The following C4BPB variants were observed in gnomAD, a reference collection of about 807,000 sequenced individuals.
The protein encoded by C4BPB is complement component 4 binding protein beta, also known as C4b-binding protein beta chain.
Under a neutral mutation model 26.6 loss-of-function variants are expected in C4BPB, and 19 were observed. The ratio of observed to expected loss-of-function variants is 0.71; its 90% CI spans 0.50 to 1.05. The LOEUF (loss-of-function observed/expected upper bound fraction) is 1.05. Among genes scored for constraint, C4BPB ranks in the 50% least tolerant of loss-of-function variants. C4BPB has a pLI of 0.00. For missense variants in C4BPB, 282 were observed against 302.9 expected (o/e 0.93, Z 0.51); for synonymous variants, 118 against 103.5 (o/e 1.14, Z -0.85).
chr1:207,088,970 GCTTTCGT>G (rs1683916046), intron 1 of C4BPB, 24 bp downstream of exon 1: 1 of 153,472 alleles, frequency 6.5e-6, no homozygotes, highest in Non-Finnish European at 1.5e-5. Flanking sequence ...ACTTCCTTGA[GCTTTCGT>G]CTTCAGTGCT....
At chr1:207,095,980 T>TC (rs1205280386) in intron 4 of C4BPB, 1 of 176,958 alleles carries the variant, frequency 5.7e-6, no homozygotes, top group Non-Finnish European at 1.2e-5. Flanking sequence ...ATGTTTCCTG[T>TC]ACAGCCTGCA....
chr1:207,099,757 G>C, intron 6 of C4BPB, 32 bp from the exon 7 acceptor site: 1 of 1,601,686 alleles, frequency 6.2e-7, no homozygotes, highest in Non-Finnish European at 8.5e-7. Context: ...CAGTCCTTAT[G>C]TTGTAACTTG....
intron 4 of C4BPB, among the ~76,000 whole-genome samples, chr1:207,093,372 G>A (rs1684117972): frequency 6.6e-6 from 1 of 152,074 alleles, no homozygotes; most frequent in Admixed American, 6.5e-5. Flanking sequence ...CTGGATCAAA[G>A]GGAAAGGAAT....
At chr1:207,092,945 G>C (rs1684096344) in intron 4 of C4BPB, among the ~76,000 whole-genome samples, 1 of 151,894 alleles carries the variant, frequency 6.6e-6, no homozygotes, top group South Asian at 2.1e-4. Context: ...TATTTCTATA[G>C]GATAGATTCC....
chr1:207,097,213 TTTG>T (rs1572761473), intron 5 of C4BPB, among the ~76,000 whole-genome samples: 3 of 152,002 alleles, frequency 2.0e-5, no homozygotes, highest in East Asian at 1.9e-4. Flanking sequence ...TTTTTGTTTT[TTTG>T]TTGTTGTTAT....
intron 5 of C4BPB, among the ~76,000 whole-genome samples, chr1:207,096,990 G>A (rs1381982802): frequency 6.6e-6 from 1 of 152,068 alleles, no homozygotes; most frequent in African/African-American, 2.4e-5. Context: ...TGGCCAACAT[G>A]GCAAAACCCT....
At chr1:207,089,460 G>A (rs1683932568) in intron 1 of C4BPB, 22 bp from the exon 2 acceptor site, 13 of 1,351,996 alleles carry the variant, frequency 9.6e-6, no homozygotes, top group Non-Finnish European at 1.3e-5. Flanking sequence ...AGTGTTAGAA[G>A]ATCTATTTTT....
intron 4 of C4BPB, 117 bp downstream of exon 4, chr1:207,091,937 G>A: frequency 1.2e-6 from 1 of 832,382 alleles, no homozygotes; most frequent in Non-Finnish European, 1.8e-6. Context: ...ACAGGCTTAA[G>A]ATCTAGCAGA....
intron 4 of C4BPB, among the ~76,000 whole-genome samples, chr1:207,093,970 C>G (rs1305174100): frequency 2.0e-5 from 3 of 152,120 alleles, no homozygotes; most frequent in Non-Finnish European, 2.9e-5. Context: ...AACAGCACTT[C>G]TATCTCCTGA....
chr1:207,089,362 G>A (rs541195698), intron 1 of C4BPB, 120 bp from the exon 2 acceptor site: 3 of 575,740 alleles, frequency 5.2e-6, no homozygotes, highest in Admixed American at 3.2e-5. Context: ...ATTTCCTGTC[G>A]TAAGATTTTT....
At chr1:207,097,520 G>A (rs931968554) in intron 5 of C4BPB, among the ~76,000 whole-genome samples, 22 of 133,286 alleles carry the variant, frequency 1.7e-4, no homozygotes, top group African/African-American at 5.7e-4. Flanking sequence ...ACTGTGCCTG[G>A]CCTAAAATGT....
intron 4 of C4BPB, among the ~76,000 whole-genome samples, chr1:207,094,060 A>T (rs1212444408): frequency 2.6e-5 from 4 of 152,248 alleles, no homozygotes; most frequent in Non-Finnish European, 5.9e-5. Context: ...TACTGATCAG[A>T]TTAGCAAAAA....
At chr1:207,096,753 T>C (rs1003417864) in intron 5 of C4BPB, 138 bp downstream of exon 5, 1 of 607,882 alleles carries the variant, frequency 1.6e-6, no homozygotes, top group East Asian at 2.9e-5. Flanking sequence ...TTTTGAGAGC[T>C]GCTTTGGCCC....
rs763104692 is a variant in C4BPB, at chr1:207,092,383, T to C, written c.409+563T>C. Among the ~76,000 whole-genome samples the C allele has an allele frequency of 5.3e-5, 8 of 152,162 alleles. No individual in the cohort carries two copies. In the South Asian group the frequency reaches 8.3e-4, roughly 16 times the overall value. On this transcript the variant is annotated intron_variant, in intron 4 of 6. Transcript: ENST00000367078. The stretch of plus-strand genomic sequence containing the variant: ...GTGTATGTATATATATAAATATACC[T>C]ATAGAAAAGGGACTTGCTATACATA...
intron 6 of C4BPB, 45 bp downstream of exon 6, chr1:207,098,309 A>C: frequency 1.7e-6 from 2 of 1,174,726 alleles, no homozygotes; most frequent in Non-Finnish European, 2.6e-6. Flanking sequence ...CTGGATCTCC[A>C]GGGCCTGGCA....
intron 1 of C4BPB, 194 bp downstream of exon 1, chr1:207,089,140 A>G: frequency 5.4e-6 from 1 of 186,858 alleles, no homozygotes; most frequent in Non-Finnish European, 1.1e-5. Flanking sequence ...AACATTGGCA[A>G]CTATTGACAG....
intron 6 of C4BPB, among the ~76,000 whole-genome samples, chr1:207,098,673 A>T (rs1475565646): frequency 6.6e-6 from 1 of 152,206 alleles, no homozygotes. Context: ...TATTATTATT[A>T]CATTGTAATA....
chr1:207,091,865 GT>G, intron 4 of C4BPB, 45 bp downstream of exon 4: 2 of 1,510,114 alleles, frequency 1.3e-6, no homozygotes, highest in Non-Finnish European at 1.8e-6. Context: ...ATACTGATTA[GT>G]AGTCTAAACT....
chr1:207,090,567 C>T, intron 3 of C4BPB, 86 bp downstream of exon 3: 1 of 1,288,246 alleles, frequency 7.8e-7, no homozygotes, highest in South Asian at 1.6e-5. Flanking sequence ...TGTGGTAAAA[C>T]TTTATAAGAA....
Sources: gnomAD v4.1 joint callset for allele counts (sites outside exome capture counted in the v4.1 genomes callset) on GRCh38, gnomAD v4.1.1 for gene constraint, MANE v1.5 for transcripts, NCBI Gene and HGNC (gene_info 2026-07-23, HGNC 2026-07-21) for gene names.